The following KLRG1 variants were observed in gnomAD, a reference collection of about 807,000 sequenced individuals.
KLRG1 encodes the protein killer cell lectin like receptor G1.
Under a neutral mutation model 21.8 loss-of-function variants are expected in KLRG1, and 16 were observed. The ratio of observed to expected loss-of-function variants is 0.73; its 90% CI spans 0.50 to 1.11. KLRG1 has a LOEUF of 1.11. Ranked by LOEUF, KLRG1 falls within the 50% of genes most tolerant of loss-of-function variation. The probability of loss-of-function intolerance (pLI) is 0.00; values close to 1 mark genes in which losing one functional copy is unlikely to be tolerated. For synonymous variants in KLRG1, 69 were observed against 75.9 expected, an observed-to-expected ratio of 0.91 and a Z score of 0.47; for missense variants, 173 against 218.3, an observed-to-expected ratio of 0.79 and a Z score of 1.31.
the KLRG1 span, among the ~76,000 whole-genome samples, chr12:9,020,523 G>A: frequency 6.6e-6 from 1 of 152,068 alleles, no homozygotes; most frequent in South Asian, 2.1e-4. Context: ...CATATAGTAT[G>A]TACTTTTTTT....
At chr12:9,176,650 A>G in the KLRG1 span, among the ~76,000 whole-genome samples, 1 of 152,192 alleles carries the variant, frequency 6.6e-6, no homozygotes, top group South Asian at 2.1e-4. Flanking sequence ...AGGCCTGAAT[A>G]TTTATCCCTG....
the KLRG1 span, among the ~76,000 whole-genome samples, chr12:9,022,790 C>T: frequency 1.3e-5 from 2 of 152,066 alleles, no homozygotes; most frequent in Non-Finnish European, 2.9e-5. Flanking sequence ...GATCAATGGC[C>T]ATCAATGATG....
chr12:9,157,404 G>C, the KLRG1 span: 1 of 1,536,254 alleles, frequency 6.5e-7, no homozygotes, highest in Non-Finnish European at 8.9e-7. Flanking sequence ...ATAGAGGGCA[G>C]AGCAAGCTGA....
At chr12:8,971,258 T>G (rs888953975) in intron 1 of KLRG1, 1 of 152,134 alleles carries the variant, frequency 6.6e-6, no homozygotes, top group African/African-American at 2.4e-5. Context: ...CTTTTTTTTT[T>G]AGTGGTAAAG....
the KLRG1 span, among the ~76,000 whole-genome samples, chr12:9,168,191 A>C: frequency 6.6e-6 from 1 of 152,244 alleles, no homozygotes; most frequent in South Asian, 2.1e-4. Context: ...CCTTCAATTT[A>C]TTAATGAAGG....
the KLRG1 span, among the ~76,000 whole-genome samples, chr12:9,159,314 C>T: frequency 6.6e-6 from 1 of 152,146 alleles, no homozygotes; most frequent in Non-Finnish European, 1.5e-5. Flanking sequence ...TTGCTCCTGA[C>T]ACATTTATTT....
the KLRG1 span, among the ~76,000 whole-genome samples, chr12:9,177,926 A>G: frequency 4.7e-4 from 71 of 152,356 alleles, no homozygotes; most frequent in African/African-American, 1.7e-3. Context: ...GTGTAAAAAT[A>G]TCAGGCATAT....
chr12:9,150,607 G>C, the KLRG1 span: 13 of 1,355,760 alleles, frequency 9.6e-6, no homozygotes, highest in Non-Finnish European at 1.0e-5. Context: ...CCATTTCTTG[G>C]CTCTGGTTAA....
chr12:9,045,825 T>G, the KLRG1 span, among the ~76,000 whole-genome samples: 1 of 151,996 alleles, frequency 6.6e-6, no homozygotes, highest in Non-Finnish European at 1.5e-5. Context: ...ATAAAGAAAA[T>G]GTGGTACATA....
the KLRG1 span, chr12:9,153,405 C>A: frequency 6.9e-5 from 98 of 1,430,042 alleles, no homozygotes; most frequent in Non-Finnish European, 8.9e-5. Flanking sequence ...GGATTTTCCC[C>A]CAAAGTCTGT....
chr12:8,953,802 C>T (rs1946244227), intron 1 of KLRG1, among the ~76,000 whole-genome samples: 1 of 152,120 alleles, frequency 6.6e-6, no homozygotes, highest in South Asian at 2.1e-4. Context: ...CTCTATGATA[C>T]AGAAGAAGCA....
intron 1 of KLRG1, among the ~76,000 whole-genome samples, chr12:8,954,489 T>G (rs1031622970): frequency 6.6e-6 from 1 of 151,960 alleles, no homozygotes; most frequent in African/African-American, 2.4e-5. Flanking sequence ...ATCACTTCAC[T>G]ATGTATATGT....
At chr12:9,079,575 A>G in the KLRG1 span, 1 of 1,477,588 alleles carries the variant, frequency 6.8e-7, no homozygotes, top group Middle Eastern at 1.9e-4. Flanking sequence ...TAAGTAACTG[A>G]AACCTACTGG....
chr12:9,077,428 T>C, the KLRG1 span: 1 of 1,610,442 alleles, frequency 6.2e-7, no homozygotes, highest in Non-Finnish European at 8.5e-7. Flanking sequence ...TCCCTGTGAA[T>C]ACGAGAGAGA....
chr12:9,003,659 A>G (rs1947372312), intron 3 of KLRG1, among the ~76,000 whole-genome samples: 1 of 151,824 alleles, frequency 6.6e-6, no homozygotes, highest in Non-Finnish European at 1.5e-5. Context: ...GAGAGAAAGT[A>G]AAAAATACAG....
the KLRG1 span, chr12:9,168,682 A>T: frequency 2.3e-6 from 1 of 441,262 alleles, no homozygotes. Context: ...GGATGTATCT[A>T]AAAAAAAATC....
At chr12:8,967,182 T>A in intron 1 of KLRG1, among the ~76,000 whole-genome samples, 1 of 99,406 alleles carries the variant, frequency 1.0e-5, no homozygotes, top group African/African-American at 4.0e-5. Flanking sequence ...CCGGGGACTG[T>A]TGTGGGGTGG....
chr12:9,099,733 C>T, the KLRG1 span, among the ~76,000 whole-genome samples: 1 of 152,162 alleles, frequency 6.6e-6, no homozygotes, highest in Non-Finnish European at 1.5e-5. Context: ...TTCAGCTCAC[C>T]CACCTAATGT....
chr12:9,103,497 T>G, the KLRG1 span, among the ~76,000 whole-genome samples: 2 of 152,230 alleles, frequency 1.3e-5, no homozygotes, highest in Non-Finnish European at 2.9e-5. Flanking sequence ...GTATATCTGT[T>G]GTGCAACAGA....
Sources: allele counts gnomAD v4.1 joint callset (sites outside exome capture counted in the v4.1 genomes callset), GRCh38; gene constraint gnomAD v4.1.1; transcripts MANE v1.5; gene names NCBI Gene and HGNC (gene_info 2026-07-23, HGNC 2026-07-21).